Variants in CTNNA3 observed in about 807,000 individuals in gnomAD.
The protein encoded by CTNNA3 is catenin alpha 3.
Under a neutral mutation model 95.7 loss-of-function variants are expected in CTNNA3, and 76 were observed. The ratio of observed to expected loss-of-function variants is 0.79; its 90% confidence interval spans 0.66 to 0.96. CTNNA3 has a LOEUF of 0.96. Ranked by LOEUF, CTNNA3 falls within the 40% of genes least tolerant of loss-of-function variation. The probability of loss-of-function intolerance (pLI) is 0.00; values close to 1 mark genes in which losing one functional copy is unlikely to be tolerated. For missense variants in CTNNA3, 1,191 were observed against 1,089.8 expected (o/e 1.09, Z -1.31); for synonymous variants, 431 against 374.4 (o/e 1.15, Z -1.74).
At chr10:66,846,885 A>G (rs1843303126) in intron 7 of CTNNA3, among the ~76,000 whole-genome samples, 1 of 152,124 alleles carries the variant, frequency 6.6e-6, no homozygotes. Context: ...CCTATTGGTA[A>G]GTTTTCTTCT....
At chr10:66,150,541 GC>G (rs1200389636) in intron 13 of CTNNA3, among the ~76,000 whole-genome samples, 4 of 150,930 alleles carry the variant, frequency 2.7e-5, no homozygotes, top group Non-Finnish European at 5.9e-5. Flanking sequence ...ATATTTATGG[GC>G]TACATGTAAT....
intron 7 of CTNNA3, among the ~76,000 whole-genome samples, chr10:66,786,473 T>C (rs994690852): frequency 6.6e-6 from 1 of 152,150 alleles, no homozygotes; most frequent in Non-Finnish European, 1.5e-5. Flanking sequence ...AGGTCTAAGC[T>C]GTGGAAAATC....
At chr10:67,699,133 C>T (rs1184851939), upstream of CTNNA3, among the ~76,000 whole-genome samples, 1 of 152,166 alleles carries the variant, frequency 6.6e-6, no homozygotes, top group East Asian at 1.9e-4. Context: ...ACGATCACCT[C>T]ACACACTGCA....
chr10:66,165,744 CACAAT>C (rs1456034053), intron 13 of CTNNA3, among the ~76,000 whole-genome samples: 5 of 151,628 alleles, frequency 3.3e-5, no homozygotes, highest in African/African-American at 1.2e-4. Context: ...CTTCAATATA[CACAAT>C]ACAATTTATT....
intron 15 of CTNNA3, among the ~76,000 whole-genome samples, chr10:66,041,180 A>G (rs1355767645): frequency 6.6e-6 from 1 of 152,186 alleles, no homozygotes; most frequent in Non-Finnish European, 1.5e-5. Context: ...AGAAAACATC[A>G]ATCCAACCCC....
chr10:67,021,542 T>C (rs1853016319), intron 7 of CTNNA3, among the ~76,000 whole-genome samples: 1 of 152,042 alleles, frequency 6.6e-6, no homozygotes, highest in Admixed American at 6.6e-5. Context: ...AATAAAAAAT[T>C]TGATGGGTTG....
chr10:67,574,195 T>C (rs568870299), intron 3 of CTNNA3, among the ~76,000 whole-genome samples: 1 of 152,320 alleles, frequency 6.6e-6, no homozygotes, highest in East Asian at 1.9e-4. Flanking sequence ...TCCCACAATC[T>C]GGAGGAAGCA....
intron 1 of CTNNA3, among the ~76,000 whole-genome samples, chr10:67,668,485 A>G (rs1374411965): frequency 6.6e-6 from 1 of 152,220 alleles, no homozygotes; most frequent in Non-Finnish European, 1.5e-5. Flanking sequence ...GAAATTAACA[A>G]TAATAATTAT....
chr10:67,341,266 C>G (rs1490137662), intron 5 of CTNNA3, among the ~76,000 whole-genome samples: 4 of 152,084 alleles, frequency 2.6e-5, no homozygotes, highest in Admixed American at 2.6e-4. Flanking sequence ...GTTGTGCTGT[C>G]AAATAGTAGG....
chr10:67,673,070 C>T (rs1465777343), intron 1 of CTNNA3, among the ~76,000 whole-genome samples: 3 of 151,610 alleles, frequency 2.0e-5, no homozygotes, highest in Non-Finnish European at 4.4e-5. Flanking sequence ...TGAAGAGGTC[C>T]TTCACATCCC....
chr10:66,103,354 G>T, intron 13 of CTNNA3, 105 bp from the exon 14 acceptor site: 1 of 830,510 alleles, frequency 1.2e-6, no homozygotes, highest in Non-Finnish European at 2.0e-6. Flanking sequence ...GTTACCATAT[G>T]ACCCAGCAAT....
At chr10:66,210,838 A>T (rs2088104167) in intron 13 of CTNNA3, among the ~76,000 whole-genome samples, 1 of 152,230 alleles carries the variant, frequency 6.6e-6, no homozygotes, top group African/African-American at 2.4e-5. Flanking sequence ...GATCTACTGA[A>T]AATGATAGAA....
chr10:66,918,295 C>G (rs1564765449), intron 7 of CTNNA3, among the ~76,000 whole-genome samples: 1 of 152,136 alleles, frequency 6.6e-6, no homozygotes, highest in Non-Finnish European at 1.5e-5. Flanking sequence ...TGAATGTTAA[C>G]CAATAAAGTT....
rs184506826 is a variant in CTNNA3, at chr10:66,823,560, G to A, written c.1048-48036C>T. On this transcript the variant is annotated intron_variant, in intron 7 of 17. Transcript: ENST00000433211. Reference sequence around the variant, plus strand: ...ATGTCTGAGCAGGATGCAAGGCAGTGAGGAGAGTCGGAAACATCAGCTGCT... The same window carrying A: ...ATGTCTGAGCAGGATGCAAGGCAGTAAGGAGAGTCGGAAACATCAGCTGCT... Among the ~76,000 whole-genome samples, 36 of 152,310 alleles carry A rather than the reference G, an allele frequency of 2.4e-4. No homozygotes were observed. The South Asian group carries it at 5.6e-3, about 24-fold the overall frequency.
At chr10:67,673,972 A>G (rs1184235824) in intron 1 of CTNNA3, among the ~76,000 whole-genome samples, 2 of 151,706 alleles carry the variant, frequency 1.3e-5, no homozygotes, top group African/African-American at 2.4e-5. Context: ...TTTCGGTAAT[A>G]GCCAACTCTT....
chr10:65,942,901 CA>C (rs906862673), intron 17 of CTNNA3, among the ~76,000 whole-genome samples: 6 of 151,868 alleles, frequency 4.0e-5, no homozygotes, highest in African/African-American at 1.5e-4. Flanking sequence ...TTTTAATTTG[CA>C]AAGTTGTGGT....
intron 6 of CTNNA3, among the ~76,000 whole-genome samples, chr10:67,202,254 T>C (rs1359160219): frequency 6.6e-6 from 1 of 151,264 alleles, no homozygotes; most frequent in Non-Finnish European, 1.5e-5. Flanking sequence ...ATAAAGCCTG[T>C]AAATTATAGA....
At chr10:66,507,206 T>C (rs1840478397) in intron 11 of CTNNA3, among the ~76,000 whole-genome samples, 1 of 152,142 alleles carries the variant, frequency 6.6e-6, no homozygotes, top group South Asian at 2.1e-4. Context: ...CATTTTTCTC[T>C]TTTTTTCTTT....
intron 13 of CTNNA3, among the ~76,000 whole-genome samples, chr10:66,134,809 TA>T (rs1309410561): frequency 6.8e-6 from 1 of 146,560 alleles, no homozygotes; most frequent in East Asian, 2.0e-4. Context: ...AACCATAAAT[TA>T]AATATAAAAA....
Sources: gnomAD v4.1 joint callset for allele counts (sites outside exome capture counted in the v4.1 genomes callset) on GRCh38, gnomAD v4.1.1 for gene constraint, MANE v1.5 for transcripts, NCBI Gene and HGNC (gene_info 2026-07-23, HGNC 2026-07-21) for gene names.